Variants in ST3GAL3 observed in about 807,000 individuals in gnomAD.
ST3GAL3 encodes ST3 beta-galactoside alpha-2,3-sialyltransferase 3.
Under a neutral mutation model 50.1 loss-of-function variants are expected in ST3GAL3, and 21 were observed. That is an observed-to-expected ratio of 0.42 (90% CI 0.30 to 0.60). The LOEUF (loss-of-function observed/expected upper bound fraction) is 0.60, where lower values mean the gene tolerates loss of function less well. ST3GAL3 is among the 20% of genes least tolerant of loss of function. The probability of loss-of-function intolerance (pLI) is 0.19; values close to 1 mark genes in which losing one functional copy is unlikely to be tolerated. For missense variants in ST3GAL3, 353 were observed against 489.4 expected (o/e 0.72, Z 2.63); for synonymous variants, 183 against 190.0 (o/e 0.96, Z 0.30).
intron 7 of ST3GAL3, among the ~76,000 whole-genome samples, chr1:43,898,913 A>G (rs1050308868): frequency 1.3e-5 from 2 of 152,106 alleles, no homozygotes; most frequent in Non-Finnish European, 2.9e-5. Context: ...CACGCCTGGC[A>G]CCCAAGCCTT....
intron 9 of ST3GAL3, chr1:43,916,583 C>A (rs753273289): frequency 6.6e-6 from 1 of 152,112 alleles, no homozygotes; most frequent in Non-Finnish European, 1.5e-5. Flanking sequence ...ATCCATAAGA[C>A]AAAATTCCTT....
At chr1:43,911,493 ATATAGATATAGATACATC>A (rs1413871730) in intron 9 of ST3GAL3, among the ~76,000 whole-genome samples, 4 of 151,692 alleles carry the variant, frequency 2.6e-5, no homozygotes, top group South Asian at 2.1e-4. Flanking sequence ...GGAAGGATAT[ATATAGATATAGATACATC>A]TATAGATATA....
intron 1 of ST3GAL3, among the ~76,000 whole-genome samples, chr1:43,723,846 A>G (rs1018497088): frequency 4.6e-5 from 7 of 152,090 alleles, no homozygotes; most frequent in Admixed American, 3.9e-4. Flanking sequence ...TCCTGACCTC[A>G]GGTGATCTGC....
intron 3 of ST3GAL3, among the ~76,000 whole-genome samples, chr1:43,800,410 CTT>C (rs1339179449): frequency 1.3e-5 from 2 of 152,224 alleles, no homozygotes; most frequent in Non-Finnish European, 2.9e-5. Flanking sequence ...TCTCAGGCCT[CTT>C]TTGACTCCCA....
At chr1:43,765,806 C>G (rs1406278973) in intron 2 of ST3GAL3, among the ~76,000 whole-genome samples, 1 of 145,706 alleles carries the variant, frequency 6.9e-6, no homozygotes, top group African/African-American at 2.8e-5. Flanking sequence ...CGCGCGTCCG[C>G]GCGTCCGCGT....
chr1:43,899,867 A>G lies in ST3GAL3; in HGVS notation c.744+140A>G, dbSNP rs1306463504. ...TAATGACCCAAAGCCGAAATCACCC[A>G]ATGGCAACCAGGGGGCAAAGAGGTC... On this transcript the variant is annotated intron_variant, in intron 9 of 11. Coordinates refer to ENST00000347631, the MANE Select transcript of ST3GAL3 (RefSeq NM_006279.5). This position sits in a 1 kb window ranked among gnomAD's most constrained non-coding sequence, Gnocchi z 5.4. The G allele has an allele frequency of 1.6e-5, 14 of 876,492 alleles. No homozygotes were observed. The highest frequency in any genetic ancestry group is 2.4e-5 in the Non-Finnish European group (13 of 542,886). 54.3% of individuals were successfully genotyped at this position (876,492 alleles called of 1,614,324 possible). A position where few individuals can be genotyped will look rare whatever the true frequency, so the allele number is the denominator to read the frequency against.
At chr1:43,767,255 G>A (rs11210916) in intron 2 of ST3GAL3, among the ~76,000 whole-genome samples, 52,905 of 151,960 alleles carry the variant, frequency 0.35, 9,998 homozygotes, top group African/African-American at 0.5. Context: ...GAAAGGCAGA[G>A]GGAAGATTAT....
intron 5 of ST3GAL3, among the ~76,000 whole-genome samples, chr1:43,844,655 A>C (rs1443589161): frequency 6.6e-6 from 1 of 151,798 alleles, no homozygotes; most frequent in Non-Finnish European, 1.5e-5. Context: ...ACCAAAAATA[A>C]AAAAAAATTA....
At chr1:43,750,648 C>A (rs1474702817) in intron 2 of ST3GAL3, among the ~76,000 whole-genome samples, 1 of 151,888 alleles carries the variant, frequency 6.6e-6, no homozygotes, top group Non-Finnish European at 1.5e-5. Flanking sequence ...CCAGTACATT[C>A]AGAGGCTAAG....
intron 4 of ST3GAL3, among the ~76,000 whole-genome samples, chr1:43,827,923 A>G (rs1360436888): frequency 6.6e-6 from 1 of 152,232 alleles, no homozygotes; most frequent in South Asian, 2.1e-4. Context: ...TAAAATTTAT[A>G]TGGAAAGGCA....
intron 4 of ST3GAL3, among the ~76,000 whole-genome samples, chr1:43,827,144 A>G (rs1466822023): frequency 1.3e-5 from 2 of 152,200 alleles, no homozygotes; most frequent in Non-Finnish European, 2.9e-5. Context: ...GAGAAATAAA[A>G]CTGTGTTCAC....
intron 2 of ST3GAL3, among the ~76,000 whole-genome samples, chr1:43,760,644 T>C (rs1689942534): frequency 6.6e-6 from 1 of 152,098 alleles, no homozygotes; most frequent in African/African-American, 2.4e-5. Flanking sequence ...TAGTCCCAGC[T>C]ACTCGGGAGG....
At chr1:43,748,192 C>T (rs1318789893) in intron 2 of ST3GAL3, among the ~76,000 whole-genome samples, 1 of 152,022 alleles carries the variant, frequency 6.6e-6, no homozygotes, top group African/African-American at 2.4e-5. Flanking sequence ...TTTCTATATA[C>T]TGGAAGCACA....
intron 2 of ST3GAL3, among the ~76,000 whole-genome samples, chr1:43,785,663 A>G (rs2057224980): frequency 6.6e-6 from 1 of 151,852 alleles, no homozygotes; most frequent in South Asian, 2.1e-4. Context: ...TGTGGGCGCT[A>G]GGGCCCAGCA....
intron 9 of ST3GAL3, chr1:43,920,163 G>A (rs1010123806): frequency 1.4e-5 from 8 of 561,942 alleles, no homozygotes; most frequent in African/African-American, 3.8e-5. Flanking sequence ...GACTCCCTTC[G>A]TATCCTCCTC....
intron 9 of ST3GAL3, among the ~76,000 whole-genome samples, chr1:43,904,808 C>T (rs1421450681): frequency 7.7e-6 from 1 of 130,394 alleles, no homozygotes; most frequent in Non-Finnish European, 1.6e-5. Context: ...CCTCCTGTTC[C>T]TCTTCCTGCC....
rs962030281 is a variant in ST3GAL3, at chr1:43,885,472, T to G, written c.303-8911T>G. ...CTGGCGGGGCTGGCGGGCTGGGGCC[T>G]GTCTTTTGGAGCCTGCCCCACCCTC... On this transcript the variant is annotated intron_variant, in intron 5 of 11. Transcript: ENST00000347631. Among the ~76,000 whole-genome samples the G allele has an allele frequency of 8.2e-4, 125 of 152,232 alleles. 1 individual carries two copies. Among genetic ancestry groups the G allele is most frequent in the Admixed American group, 5.2e-4 (8 of 15,298 alleles).
chr1:43,916,990 TGTAA>T (rs1320849465), intron 9 of ST3GAL3: 7 of 152,228 alleles, frequency 4.6e-5, no homozygotes, highest in African/African-American at 1.7e-4. Context: ...TTTTTCACTT[TGTAA>T]GTAATACTGT....
At position 43,891,426 on chromosome 1, in the gene ST3GAL3, G is replaced by A. The variant is rs1033561277; in HGVS notation, c.303-2957G>A. ...TGCTACTTAAAATACAAAATTAACC[G>A]GGCATGATGGCAGGTGCCTGTAATC... On this transcript the variant is annotated intron_variant, in intron 5 of 11. Coordinates refer to ENST00000347631, the MANE Select transcript of ST3GAL3 (RefSeq NM_006279.5). Among the ~76,000 whole-genome samples the A allele has an allele frequency of 3.9e-5, 6 of 152,116 alleles. No individual in the cohort carries two copies. In the South Asian group the frequency reaches 6.2e-4, roughly 16 times the overall value.
Sources: gnomAD v4.1 joint callset for allele counts (sites outside exome capture counted in the v4.1 genomes callset) on GRCh38, gnomAD v4.1.1 for gene constraint, Gnocchi (gnomAD v3.1) non-coding constraint, MANE v1.5 for transcripts, NCBI Gene and HGNC (gene_info 2026-07-23, HGNC 2026-07-21) for gene names.